The following SMIM23 variants were observed in gnomAD, a reference collection of about 807,000 sequenced individuals.
The protein encoded by SMIM23 is CTB-78H18.1.
A neutral mutation model predicts 12.8 loss-of-function variants in SMIM23; 10 were observed. The observed-to-expected ratio is 0.78, with a 90% CI of 0.48 to 1.32. The LOEUF is 1.32. SMIM23 is among the 40% of genes most tolerant of loss of function. The pLI is 0.00. For synonymous variants in SMIM23, 78 were observed against 80.1 expected (o/e 0.97, Z 0.14); for missense variants, 184 against 198.2 (o/e 0.93, Z 0.43).
At chr5:171,783,625 A>G (rs1326439554), upstream of SMIM23, among the ~76,000 whole-genome samples, 1 of 152,206 alleles carries the variant, frequency 6.6e-6, no homozygotes, top group African/African-American at 2.4e-5. Flanking sequence ...ATAGGAGAAA[A>G]TCTTCGGAAC....
At chr5:171,788,576 G>A (rs1755862093) in intron 1 of SMIM23, among the ~76,000 whole-genome samples, 1 of 152,018 alleles carries the variant, frequency 6.6e-6, no homozygotes, top group Non-Finnish European at 1.5e-5. Flanking sequence ...GTAATATTAG[G>A]AACAATTTGA....
At chr5:171,778,603 A>G (rs1581069194), upstream of SMIM23, among the ~76,000 whole-genome samples, 1 of 152,118 alleles carries the variant, frequency 6.6e-6, no homozygotes, top group East Asian at 1.9e-4. Context: ...GGAAGAGTTG[A>G]AGAATGGGTT....
chr5:171,789,084 C>T (rs1192387721), intron 1 of SMIM23, among the ~76,000 whole-genome samples: 2 of 152,258 alleles, frequency 1.3e-5, no homozygotes, highest in African/African-American at 2.4e-5. Context: ...AGGTGATCAC[C>T]ACGGCCTCCC....
In SMIM23 at chr5:171,785,878, AC is replaced by A. The variant is rs1301849202; in HGVS notation, c.10del (p.Gln4SerfsTer38). The A allele has an allele frequency of 6.5e-7, 1 of 1,536,060 alleles. No individual in the cohort carries two copies. The highest frequency in any genetic ancestry group is 1.4e-5 in the African/African-American group (1 of 73,042). MATQQVDSRRQVA... is the reference protein window; with the variant it reads MAXQQVDSRRQVA... ...GGCAGCCAGATCTGAGGCCATGGCA[AC>A]CCAGCAAGTGGACAGCAGAAGGCAG... On this transcript the variant is annotated frameshift_variant, in exon 1 of 4. Coordinates refer to ENST00000523047, the MANE Select transcript of SMIM23 (RefSeq NM_001289970.2). LOFTEE classifies it high-confidence loss of function.
At chr5:171,773,848 C>CA in the SMIM23 span, 2 of 456,210 alleles carry the variant, frequency 4.4e-6, no homozygotes, top group Non-Finnish European at 8.8e-6. Context: ...ATTTTTAAGA[C>CA]AACTTATTTT....
chr5:171,781,562 T>C (rs1180669194), upstream of SMIM23, among the ~76,000 whole-genome samples: 1 of 151,694 alleles, frequency 6.6e-6, no homozygotes, highest in Admixed American at 6.6e-5. Context: ...TAGAGCTGTT[T>C]TTCTTTCTCC....
chr5:171,789,308 A>G (rs1755879525), intron 1 of SMIM23, among the ~76,000 whole-genome samples: 2 of 152,376 alleles, frequency 1.3e-5, no homozygotes, highest in East Asian at 1.9e-4. Context: ...AATGCAATTT[A>G]CCACAAAAAT....
chr5:171,773,303 G>A, the SMIM23 span, among the ~76,000 whole-genome samples: 4 of 151,730 alleles, frequency 2.6e-5, no homozygotes, highest in African/African-American at 4.9e-5. Context: ...CATGACTGCT[G>A]CACAGCAAGG....
chr5:171,773,756 T>C, the SMIM23 span: 1 of 456,204 alleles, frequency 2.2e-6, no homozygotes, highest in Non-Finnish European at 4.4e-6. Flanking sequence ...AGTGTTGGCA[T>C]GCAGGAACAT....
rs1294690512 is a variant in SMIM23 at position 171,790,521 on chromosome 5, A to G, written c.197A>G (p.Asn66Ser). The change falls in exon 3 of 4, where the codon AAC becomes AGC. Residue 66 changes from asparagine (N) to serine (S), a missense_variant. Coordinates refer to ENST00000523047, the MANE Select transcript of SMIM23 (RefSeq NM_001289970.2). Reference sequence around the variant, plus strand: ...GTGTCAGAAAGGATCAGAGAATGTAACTACTACCAGAATCTTGCAGTTCCC... The same window carrying G: ...GTGTCAGAAAGGATCAGAGAATGTAGCTACTACCAGAATCTTGCAGTTCCC... ...WEVSERIRECNYYQNLAVPQG... is the reference protein window; with the variant it reads ...WEVSERIRECSYYQNLAVPQG... 2.0e-6 allele frequency: 3 copies of G among 1,536,784 alleles called. No homozygotes were observed. The highest frequency in any genetic ancestry group is 1.2e-5 in the South Asian group (1 of 84,052).
intron 1 of SMIM23, among the ~76,000 whole-genome samples, chr5:171,787,538 G>T (rs1755841397): frequency 6.6e-6 from 1 of 152,178 alleles, no homozygotes; most frequent in African/African-American, 2.4e-5. Flanking sequence ...TAGAGGACTG[G>T]TTAGACACAT....
the SMIM23 span, among the ~76,000 whole-genome samples, chr5:171,776,331 A>G: frequency 6.6e-6 from 1 of 152,188 alleles, no homozygotes; most frequent in Non-Finnish European, 1.5e-5. Context: ...GCCCCAGACC[A>G]CAACACAACG....
intron 3 of SMIM23, 68 bp downstream of exon 3, chr5:171,790,617 C>T: frequency 6.9e-7 from 1 of 1,449,082 alleles, no homozygotes; most frequent in Non-Finnish European, 9.4e-7. Context: ...GTGTCATTGG[C>T]AACATGGGTC....
chr5:171,773,033 C>T, the SMIM23 span, among the ~76,000 whole-genome samples: 5 of 152,118 alleles, frequency 3.3e-5, no homozygotes, highest in Admixed American at 1.3e-4. Flanking sequence ...CACAAAACAT[C>T]GCAAAGGTCT....
chr5:171,777,400 G>C, the SMIM23 span, among the ~76,000 whole-genome samples: 1 of 151,934 alleles, frequency 6.6e-6, no homozygotes, highest in African/African-American at 2.4e-5. Flanking sequence ...TTCCTTTTTG[G>C]TCCACTGTTC....
the SMIM23 span, among the ~76,000 whole-genome samples, chr5:171,774,128 TG>T: frequency 1.3e-5 from 2 of 152,210 alleles, no homozygotes; most frequent in African/African-American, 4.8e-5. Context: ...AGATCAAACT[TG>T]TTAGATCCAA....
chr5:171,779,118 T>A (rs1755686452), upstream of SMIM23, among the ~76,000 whole-genome samples: 1 of 152,234 alleles, frequency 6.6e-6, no homozygotes, highest in African/African-American at 2.4e-5. Flanking sequence ...ATTGATGGCG[T>A]ACGTTGGGCT....
At chr5:171,789,312 C>CA (rs1475166165) in intron 1 of SMIM23, among the ~76,000 whole-genome samples, 2 of 152,214 alleles carry the variant, frequency 1.3e-5, no homozygotes, top group Non-Finnish European at 2.9e-5. Context: ...CAATTTACCA[C>CA]AAAAATGGGG....
upstream of SMIM23, among the ~76,000 whole-genome samples, chr5:171,783,450 T>G (rs537371892): frequency 6.6e-6 from 1 of 152,276 alleles, no homozygotes; most frequent in South Asian, 2.1e-4. Context: ...CAGGGACAGA[T>G]ACATAGATCA....
Sources: allele counts gnomAD v4.1 joint callset (sites outside exome capture counted in the v4.1 genomes callset), GRCh38; gene constraint gnomAD v4.1.1; transcripts MANE v1.5; gene names NCBI Gene and HGNC (gene_info 2026-07-23, HGNC 2026-07-21).